Variants in BICC1 observed in about 807,000 individuals in gnomAD.
BICC1 encodes the protein BicC family RNA binding protein 1, also known as protein bicaudal C homolog 1.
In BICC1, 43 loss-of-function variants were observed where a neutral mutation model predicts 111.0. That is an observed-to-expected ratio of 0.39 (90% CI 0.30 to 0.50). BICC1 has a LOEUF of 0.50. Among genes scored for constraint, BICC1 ranks in the 20% least tolerant of loss-of-function variants. BICC1 has a pLI of 0.88. For synonymous variants in BICC1, 467 were observed against 434.4 expected (o/e 1.07, Z -0.93); for missense variants, 1,091 against 1,203.2 (o/e 0.91, Z 1.38).
intron 1 of BICC1, among the ~76,000 whole-genome samples, chr10:58,617,470 A>G (rs1366508656): frequency 2.0e-5 from 3 of 152,264 alleles, no homozygotes; most frequent in African/African-American, 7.2e-5. Flanking sequence ...CTAATGGAAG[A>G]TAAGGCCATG....
At chr10:58,690,304 T>G (rs111748372) in intron 2 of BICC1, among the ~76,000 whole-genome samples, 2,442 of 152,296 alleles carry the variant, frequency 0.016, 65 homozygotes, top group African/African-American at 0.056. Flanking sequence ...AGAGATACAT[T>G]TTTCTTACAG....
At chr10:58,811,789 T>A (rs1843913880) in intron 17 of BICC1, among the ~76,000 whole-genome samples, 1 of 152,296 alleles carries the variant, frequency 6.6e-6, no homozygotes, top group Non-Finnish European at 1.5e-5. Flanking sequence ...GCAGACCTTA[T>A]GAGCAAATGA....
rs148109437 is a variant in BICC1 at position 58,661,689 on chromosome 10, A to G, written c.238-40385A>G. 4.0e-3 allele frequency among the ~76,000 whole-genome samples: 602 copies of G among 152,298 alleles called. 2 individuals are homozygous for G. The highest frequency in any genetic ancestry group is 6.7e-3 in the Non-Finnish European group (455 of 68,022). ...TTGATTCTGCAAAGGTTATGTGGCA[A>G]AAGTTTAATTTAGGTCATCTCTTGC... On this transcript the variant is annotated intron_variant, in intron 2 of 20. Transcript: ENST00000373886.
At chr10:58,778,450 G>A (rs1348149030) in intron 3 of BICC1, among the ~76,000 whole-genome samples, 2 of 152,026 alleles carry the variant, frequency 1.3e-5, no homozygotes, top group African/African-American at 2.4e-5. Flanking sequence ...TGTGTTATAT[G>A]TATTATATAC....
rs114668327 is a variant in BICC1, at chr10:58,673,132, T to G, written c.238-28942T>G. Among the ~76,000 whole-genome samples, 1,208 of 152,326 alleles carry G rather than the reference T, an allele frequency of 7.9e-3. 17 individuals are homozygous for G. Among genetic ancestry groups the G allele is most frequent in the African/African-American group, 0.027 (1,143 of 41,572 alleles). On this transcript the variant is annotated intron_variant, in intron 2 of 20. Coordinates refer to ENST00000373886, the MANE Select transcript of BICC1 (RefSeq NM_001080512.3). ...TTCTTTGGAAATTTTCATTACCAAT[T>G]AAACTCATTTTTGAAATGTATAAAT...
At chr10:58,793,838 G>A (rs948378617) in intron 9 of BICC1, among the ~76,000 whole-genome samples, 2 of 152,046 alleles carry the variant, frequency 1.3e-5, no homozygotes, top group Admixed American at 1.3e-4. Context: ...TTTCATATTA[G>A]GGATGCCCAA....
rs1844498484 is a variant in BICC1 at position 58,829,499 on chromosome 10, CTT to C, written c.*611_*612del. The C allele has an allele frequency of 6.6e-6, 1 of 152,044 alleles. No individual in the cohort carries two copies. Among genetic ancestry groups the C allele is most frequent in the Non-Finnish European group, 1.5e-5 (1 of 68,006 alleles). 9.4% of individuals were successfully genotyped at this position (152,044 alleles called of 1,614,324 possible). A position where few individuals can be genotyped will look rare whatever the true frequency, so the allele number is the denominator to read the frequency against. On this transcript the variant is annotated 3_prime_UTR_variant, in exon 21 of 21. Coordinates refer to ENST00000373886, the MANE Select transcript of BICC1 (RefSeq NM_001080512.3). Reference sequence around the variant, plus strand: ...GTCACATTTTTCTGACTGCATCAAACTTTTATTTGAAATGGTACTGGATCTTA... The same window carrying C: ...GTCACATTTTTCTGACTGCATCAAACTTATTTGAAATGGTACTGGATCTTA...
In BICC1 at chr10:58,773,418, C is replaced by T. The variant is rs547522737; in HGVS notation, c.308-11583C>T. Among the ~76,000 whole-genome samples, 152 of 152,254 alleles carry T rather than the reference C, an allele frequency of 1.0e-3. 1 individual carries two copies. Among genetic ancestry groups the T allele is most frequent in the African/African-American group, 3.5e-3 (144 of 41,558 alleles). On this transcript the variant is annotated intron_variant, in intron 3 of 20. Coordinates refer to ENST00000373886, the MANE Select transcript of BICC1 (RefSeq NM_001080512.3). ...CAAATGGTGTAAGAAACTCTAACAA[C>T]GGGGCTGTTTACAGTAGACAGGGTT...
intron 4 of BICC1, among the ~76,000 whole-genome samples, chr10:58,786,299 T>G (rs1466075201): frequency 6.6e-6 from 1 of 152,180 alleles, no homozygotes; most frequent in Admixed American, 6.6e-5. Context: ...TGCTTTAATA[T>G]AACTAATGTA....
At chr10:58,604,122 G>A (rs981534774) in intron 1 of BICC1, among the ~76,000 whole-genome samples, 3 of 152,090 alleles carry the variant, frequency 2.0e-5, no homozygotes, top group East Asian at 3.9e-4. Flanking sequence ...AGACTTCAAA[G>A]CAATAGAGCC....
At chr10:58,793,669 GT>G in intron 9 of BICC1, 54 bp downstream of exon 9, 1 of 1,570,278 alleles carries the variant, frequency 6.4e-7, no homozygotes, top group South Asian at 1.2e-5. Context: ...ATGCTGTATA[GT>G]TTTATTTTGC....
At chr10:58,754,038 T>C (rs2132654437) in intron 3 of BICC1, among the ~76,000 whole-genome samples, 2 of 152,330 alleles carry the variant, frequency 1.3e-5, no homozygotes, top group South Asian at 4.1e-4. Context: ...ATTAGGTGTA[T>C]AAAAAGGCTA....
chr10:58,546,055 G>A (rs1289149250), intron 1 of BICC1, among the ~76,000 whole-genome samples: 3 of 152,156 alleles, frequency 2.0e-5, no homozygotes, highest in Non-Finnish European at 4.4e-5. Flanking sequence ...AGCAATGAAT[G>A]CTGTTTGGGC....
chr10:58,830,596 G>T lies in BICC1; in HGVS notation c.*1705G>T, dbSNP rs1331343287. 6.6e-6 allele frequency: 1 copy of T among 152,144 alleles called. No homozygotes were observed. The highest frequency in any genetic ancestry group is 1.5e-5 in the Non-Finnish European group (1 of 68,016). 9.4% of individuals were successfully genotyped at this position (152,144 alleles called of 1,614,324 possible). On this transcript the variant is annotated 3_prime_UTR_variant, in exon 21 of 21. Coordinates refer to ENST00000373886, the MANE Select transcript of BICC1 (RefSeq NM_001080512.3). ...AGAACAAGAATTGAAGAGGCATTTTGCACACAGAAACATTCTCACTTTAAA... is the reference window on the plus strand; with the variant it reads ...AGAACAAGAATTGAAGAGGCATTTTTCACACAGAAACATTCTCACTTTAAA...
chr10:58,737,733 AT>A (rs1273807024), intron 3 of BICC1, among the ~76,000 whole-genome samples: 1 of 152,018 alleles, frequency 6.6e-6, no homozygotes, highest in Non-Finnish European at 1.5e-5. Context: ...ATTTCTCCAC[AT>A]CCTCCCCAGC....
chr10:58,704,269 A>G (rs1045745894), intron 3 of BICC1, among the ~76,000 whole-genome samples: 1 of 152,148 alleles, frequency 6.6e-6, no homozygotes, highest in Non-Finnish European at 1.5e-5. Context: ...TGTATTATTT[A>G]TGAAGTGTTA....
At chr10:58,824,171 AAGGCCAGTGCTCAGGGCATT>A in intron 20 of BICC1, 1 of 844,988 alleles carries the variant, frequency 1.2e-6, no homozygotes, top group Non-Finnish European at 1.4e-6. Context: ...TGGGTCACTG[AAGGCCAGTGCTCAGGGCATT>A]GACCTTTCCA....
At chr10:58,584,003 T>C (rs1384221851) in intron 1 of BICC1, among the ~76,000 whole-genome samples, 1 of 152,018 alleles carries the variant, frequency 6.6e-6, no homozygotes, top group East Asian at 1.9e-4. Context: ...GGTTTGTAAT[T>C]GTAACTGTTT....
chr10:58,555,187 C>G (rs1229537936), intron 1 of BICC1, among the ~76,000 whole-genome samples: 1 of 151,554 alleles, frequency 6.6e-6, no homozygotes. Flanking sequence ...GCTTGAATTA[C>G]CTTTACTTTC....
Sources: gnomAD v4.1 joint callset for allele counts (sites outside exome capture counted in the v4.1 genomes callset) on GRCh38, gnomAD v4.1.1 for gene constraint, MANE v1.5 for transcripts, NCBI Gene and HGNC (gene_info 2026-07-23, HGNC 2026-07-21) for gene names.